Variants in LRFN5 observed in about 807,000 individuals in gnomAD.
LRFN5 encodes leucine rich repeat and fibronectin type III domain containing 5, also known as leucine-rich repeat and fibronectin type-III domain-containing protein 5.
A neutral mutation model predicts 45.6 loss-of-function variants in LRFN5; 24 were observed. The ratio of observed to expected loss-of-function variants is 0.53; its 90% CI spans 0.38 to 0.74. LRFN5 has a LOEUF of 0.74. Ranked by LOEUF, LRFN5 falls within the 30% of genes least tolerant of loss-of-function variation. The pLI, the probability that LRFN5 is intolerant of heterozygous loss-of-function variation, is 0.00. For synonymous variants in LRFN5, 340 were observed against 313.8 expected, an observed-to-expected ratio of 1.08 and a Z score of -0.88; for missense variants, 776 against 861.5, an observed-to-expected ratio of 0.90 and a Z score of 1.24.
intron 1 of LRFN5, among the ~76,000 whole-genome samples, chr14:41,710,845 C>T (rs931256409): frequency 3.3e-5 from 5 of 151,842 alleles, no homozygotes; most frequent in African/African-American, 1.2e-4. Flanking sequence ...GTTCAATTCC[C>T]ACCTACGAGT....
chr14:41,750,382 T>G (rs1268989788), intron 1 of LRFN5, among the ~76,000 whole-genome samples: 1 of 151,160 alleles, frequency 6.6e-6, no homozygotes, highest in African/African-American at 2.4e-5. Context: ...TATAGTTTGT[T>G]GTTTTACCTG....
rs755379133 is a variant in LRFN5, at chr14:41,891,590, G to T, written c.1726G>T (p.Ala576Ser). The part of the protein sequence containing the change: ...VSNVYSQTNG[A>S]QIQGCSVTLP... Reference sequence around the variant, plus strand: ...CAATGTTTATTCCCAAACTAACGGGGCTCAAATACAAGGCTGTAGTGTAAC... The same window carrying T: ...CAATGTTTATTCCCAAACTAACGGGTCTCAAATACAAGGCTGTAGTGTAAC... Residue 576 changes from alanine (A) to serine (S), a missense_variant, in exon 4 of 6, where the codon GCT (alanine) becomes TCT (serine). Ala to Ser is a moderately conservative substitution (Grantham distance 99). Around this residue, in one of 2 missense-constraint regions of LRFN5, gnomAD observed 465 missense variants for 456.4 expected, o/e 1.02. Transcript: ENST00000298119. 2 of 1,614,138 alleles carry T rather than the reference G, an allele frequency of 1.2e-6. No individual in the cohort carries two copies. Among genetic ancestry groups the T allele is most frequent in the Non-Finnish European group, 1.7e-6 (2 of 1,180,024 alleles).
chr14:41,850,792 C>T (rs1301590913), intron 2 of LRFN5, among the ~76,000 whole-genome samples: 1 of 151,366 alleles, frequency 6.6e-6, no homozygotes, highest in Non-Finnish European at 1.5e-5. Flanking sequence ...CTCTGTCTTA[C>T]ACAGCACCCC....
intron 2 of LRFN5, among the ~76,000 whole-genome samples, chr14:41,838,683 A>C (rs1459939931): frequency 1.3e-5 from 2 of 152,218 alleles, no homozygotes; most frequent in Non-Finnish European, 2.9e-5. Flanking sequence ...CAGAAATACT[A>C]TAGCAATATT....
Position 41,886,828 on chromosome 14 carries a change from G to A in LRFN5, c.203G>A (p.Arg68Lys), listed in dbSNP as rs946466589. The change falls in exon 3 of 6, where the codon AGG (arginine) becomes AAG (lysine). Residue 68 changes from arginine to lysine, a missense_variant. By Grantham distance (26) the Arg-to-Lys change is conservative (BLOSUM62 2). This residue lies in a region of LRFN5 where 311 missense variants were observed against 405.1 expected (regional missense o/e 0.77). Coordinates refer to ENST00000298119, the MANE Select transcript of LRFN5 (RefSeq NM_152447.5). ...GACAATTTTGTTACAAATATTAAAA[G>A]GAAAGATTTTGCCAATATGACCAGC... ...LADNFVTNIKRKDFANMTSLV... is the reference protein window; with the variant it reads ...LADNFVTNIKKKDFANMTSLV... 1.9e-6 allele frequency: 3 copies of A among 1,613,914 alleles called. No individual in the cohort carries two copies. Among genetic ancestry groups the A allele is most frequent in the Non-Finnish European group, 2.5e-6 (3 of 1,179,994 alleles).
At chr14:41,855,978 C>T (rs752326095) in intron 2 of LRFN5, among the ~76,000 whole-genome samples, 9 of 151,998 alleles carry the variant, frequency 5.9e-5, no homozygotes, top group Non-Finnish European at 1.0e-4. Context: ...TTTAAGAAAT[C>T]AACCTGTTAC....
intron 2 of LRFN5, among the ~76,000 whole-genome samples, chr14:41,828,201 T>C (rs1447346661): frequency 6.6e-6 from 1 of 152,044 alleles, no homozygotes; most frequent in Non-Finnish European, 1.5e-5. Flanking sequence ...AAACTCAAAA[T>C]AGTTTCTTTC....
chr14:41,784,641 G>A (rs958478814), intron 2 of LRFN5, among the ~76,000 whole-genome samples: 1 of 151,924 alleles, frequency 6.6e-6, no homozygotes, highest in African/African-American at 2.4e-5. Flanking sequence ...TTGTGTGTGT[G>A]TGTGTGTGAC....
chr14:41,822,341 G>A (rs1888144969), intron 2 of LRFN5, among the ~76,000 whole-genome samples: 1 of 151,652 alleles, frequency 6.6e-6, no homozygotes, highest in South Asian at 2.1e-4. Flanking sequence ...CAAAGGTTTT[G>A]GTTGTGTTTC....
At chr14:41,653,418 A>G (rs530219008) in intron 1 of LRFN5, among the ~76,000 whole-genome samples, 2 of 152,202 alleles carry the variant, frequency 1.3e-5, no homozygotes, top group South Asian at 4.1e-4. Flanking sequence ...TTAAATAGAG[A>G]ATCCTAATAT....
At chr14:41,731,703 A>G (rs1884185531) in intron 1 of LRFN5, 1 of 152,156 alleles carries the variant, frequency 6.6e-6, no homozygotes, top group Admixed American at 6.6e-5. Context: ...AGCCAGAAAA[A>G]TATTTGAAAA....
At chr14:41,800,853 A>G (rs1333688729) in intron 2 of LRFN5, among the ~76,000 whole-genome samples, 2 of 151,948 alleles carry the variant, frequency 1.3e-5, no homozygotes, top group African/African-American at 4.8e-5. Context: ...GAAGAGGCAA[A>G]TTTGTCTTTT....
intron 1 of LRFN5, among the ~76,000 whole-genome samples, chr14:41,671,607 T>C (rs910753518): frequency 1.5e-5 from 2 of 135,888 alleles, no homozygotes; most frequent in East Asian, 4.7e-4. Context: ...AGGAGAGATT[T>C]TTTTTTTTCG....
At chr14:41,671,025 A>G (rs1191563967) in intron 1 of LRFN5, among the ~76,000 whole-genome samples, 1 of 151,896 alleles carries the variant, frequency 6.6e-6, no homozygotes, top group Non-Finnish European at 1.5e-5. Context: ...TTTTAGAGTA[A>G]CCATTAATAT....
Position 41,720,744 on chromosome 14 carries a change from T to C in LRFN5, c.-196-46110T>C, listed in dbSNP as rs956769608. Among the ~76,000 whole-genome samples, 14 of 152,244 alleles carry C rather than the reference T, an allele frequency of 9.2e-5. No individual in the cohort carries two copies. In the East Asian group the frequency reaches 2.5e-3, roughly 27 times the overall value. ...TTTTTATTCCACTATGGTCTGATAA[T>C]GTGGTTGGTGTCATTTTGATTTTTT... On this transcript the variant is annotated intron_variant, in intron 1 of 5. Coordinates refer to ENST00000298119, the MANE Select transcript of LRFN5 (RefSeq NM_152447.5).
At chr14:41,741,569 G>A (rs1884693681) in intron 1 of LRFN5, among the ~76,000 whole-genome samples, 1 of 151,622 alleles carries the variant, frequency 6.6e-6, no homozygotes, top group Non-Finnish European at 1.5e-5. Context: ...AGACCAATAT[G>A]AAAGACTGAA....
chr14:41,675,590 G>C (rs933756195), intron 1 of LRFN5, among the ~76,000 whole-genome samples: 19 of 152,154 alleles, frequency 1.2e-4, no homozygotes, highest in Non-Finnish European at 2.2e-4. Context: ...GAGGGAGACC[G>C]TGGAAAGAGG....
intron 1 of LRFN5, among the ~76,000 whole-genome samples, chr14:41,746,361 T>A (rs1181332640): frequency 2.6e-5 from 4 of 151,910 alleles, no homozygotes; most frequent in African/African-American, 9.7e-5. Flanking sequence ...ATTATAAAAG[T>A]CATGTATGAC....
chr14:41,741,722 A>T (rs1015169984), intron 1 of LRFN5, among the ~76,000 whole-genome samples: 1 of 151,672 alleles, frequency 6.6e-6, no homozygotes, highest in African/African-American at 2.4e-5. Flanking sequence ...AAAAGCTTTG[A>T]TGCAGCAAAG....
Sources: allele counts gnomAD v4.1 joint callset (sites outside exome capture counted in the v4.1 genomes callset), GRCh38; gene constraint gnomAD v4.1.1; regional missense constraint gnomAD v4.1.1; transcripts MANE v1.5; gene names NCBI Gene and HGNC (gene_info 2026-07-23, HGNC 2026-07-21).